CACNB2: variants seen among roughly 807,000 people sequenced by gnomAD.
CACNB2 encodes the protein voltage-dependent L-type calcium channel subunit beta-2.
In CACNB2, 42 loss-of-function variants were observed where a neutral mutation model predicts 73.3. The ratio of observed to expected loss-of-function variants is 0.57; its 90% CI spans 0.45 to 0.74. CACNB2 has a LOEUF of 0.74. CACNB2 is among the 30% of genes least tolerant of loss of function. The pLI, the probability that CACNB2 is intolerant of heterozygous loss-of-function variation, is 0.00. For missense variants in CACNB2, 940 were observed against 853.0 expected, an observed-to-expected ratio of 1.10 and a Z score of -1.27; for synonymous variants, 348 against 310.3, an observed-to-expected ratio of 1.12 and a Z score of -1.28.
chr10:18,286,051 G>A (rs1277736), intron 2 of CACNB2, among the ~76,000 whole-genome samples: 66,703 of 152,036 alleles, frequency 0.44, 15,641 homozygotes, highest in African/African-American at 0.6. Context: ...ATGTACATCT[G>A]TGAACACATT....
intron 3 of CACNB2, among the ~76,000 whole-genome samples, chr10:18,452,712 G>T (rs1002900281): frequency 1.3e-5 from 2 of 152,132 alleles, no homozygotes; most frequent in Non-Finnish European, 2.9e-5. Context: ...ACCGGGCAAG[G>T]TTAGCCTTAT....
intron 2 of CACNB2, chr10:18,261,293 T>C (rs2037528238): frequency 6.4e-7 from 1 of 1,551,412 alleles, no homozygotes; most frequent in Non-Finnish European, 8.7e-7. Context: ...GGCTGGTGCA[T>C]CGCCGGCGAG....
intron 3 of CACNB2, among the ~76,000 whole-genome samples, chr10:18,422,994 G>A (rs923609924): frequency 5.9e-5 from 9 of 152,178 alleles, no homozygotes; most frequent in South Asian, 2.1e-4. Flanking sequence ...CACTGCGCCT[G>A]GCCAACACTT....
At chr10:18,213,116 G>A (rs763880571) in intron 2 of CACNB2, among the ~76,000 whole-genome samples, 1 of 152,316 alleles carries the variant, frequency 6.6e-6, no homozygotes, top group African/African-American at 2.4e-5. Context: ...TCTGGTTCGT[G>A]CACCTGTGGC....
intron 2 of CACNB2, among the ~76,000 whole-genome samples, chr10:18,215,554 A>C (rs533631998): frequency 2.0e-5 from 3 of 152,338 alleles, no homozygotes; most frequent in Admixed American, 6.5e-5. Context: ...ATTTTGAATT[A>C]GATATGATTA....
In CACNB2 at chr10:18,286,793, G is replaced by C. The variant is rs1348581282; in HGVS notation, c.214-115131G>C. Among the ~76,000 whole-genome samples, 5 of 152,098 alleles carry C rather than the reference G, an allele frequency of 3.3e-5. No homozygotes were observed. In the East Asian group the frequency reaches 9.6e-4, roughly 29 times the overall value. The stretch of plus-strand genomic sequence containing the variant: ...ATTGCTGACATTACTAGGTATTGCT[G>C]TTATCACTGTGGCTTGTTACCAGTA... On this transcript the variant is annotated intron_variant, in intron 2 of 13. Transcript: ENST00000324631.
At position 18,401,932 on chromosome 10, in the gene CACNB2, A is replaced by G. The variant is rs1286624114; in HGVS notation, c.222A>G (p.Ala74=). Residue 74 remains alanine, a synonymous_variant, in exon 3 of 14, where the codon GCA becomes GCG. Coordinates refer to ENST00000324631, the MANE Select transcript of CACNB2 (RefSeq NM_201596.3). ...TSNSFVRQGS[A]DSYTSRPSDS... ...TACATTTTCCTCTCCAGGGTTCGGC[A>G]GACTCCTACACTAGCCGTCCATCCG... 1 of 1,614,106 alleles carries G rather than the reference A, an allele frequency of 6.2e-7. No individual in the cohort carries two copies. Among genetic ancestry groups the G allele is most frequent in the East Asian group, 2.2e-5 (1 of 44,884 alleles).
chr10:18,317,595 G>A (rs112691846), intron 2 of CACNB2, among the ~76,000 whole-genome samples: 3 of 152,272 alleles, frequency 2.0e-5, no homozygotes, highest in African/African-American at 4.8e-5. Flanking sequence ...ATAGTATCCT[G>A]TGGGTGTATA....
intron 3 of CACNB2, among the ~76,000 whole-genome samples, chr10:18,481,734 T>A (rs2048789460): frequency 6.6e-6 from 1 of 152,174 alleles, no homozygotes; most frequent in Non-Finnish European, 1.5e-5. Context: ...GAGATTGTAC[T>A]CTTATATAAG....
In CACNB2 at chr10:18,214,144, A is replaced by G. The variant is rs2035422603; in HGVS notation, c.213+63169A>G. On this transcript the variant is annotated intron_variant, in intron 2 of 13. Transcript: ENST00000324631. ...GGGAAAGGTGAATTTTTATAGAAGT[A>G]TAAGTTCTTCTGAAAGGGACCCAAG... 6.3e-5 allele frequency among the ~76,000 whole-genome samples: 5 copies of G among 79,148 alleles called. 1 individual carries two copies. The highest frequency in any genetic ancestry group is 8.6e-4 in the South Asian group (2 of 2,324). 51.9% of individuals were successfully genotyped at this position (79,148 alleles called of 152,430 possible).
intron 3 of CACNB2, among the ~76,000 whole-genome samples, chr10:18,493,326 C>G (rs563449792): frequency 6.6e-6 from 1 of 152,108 alleles, no homozygotes; most frequent in African/African-American, 2.4e-5. Flanking sequence ...GGCCACCACG[C>G]CTGGCTAATT....
intron 10 of CACNB2, among the ~76,000 whole-genome samples, chr10:18,529,929 C>T (rs2052829552): frequency 6.6e-6 from 1 of 152,218 alleles, no homozygotes; most frequent in Non-Finnish European, 1.5e-5. Context: ...CACAGTTCCA[C>T]ATGGCTAGTG....
intron 9 of CACNB2, among the ~76,000 whole-genome samples, chr10:18,523,882 TGTTA>T (rs1207435288): frequency 2.0e-5 from 3 of 152,234 alleles, no homozygotes; most frequent in Non-Finnish European, 4.4e-5. Flanking sequence ...TGAAAGGAAA[TGTTA>T]GTTATGCGAA....
At chr10:18,346,154 G>C (rs556307650) in intron 2 of CACNB2, among the ~76,000 whole-genome samples, 1 of 152,178 alleles carries the variant, frequency 6.6e-6, no homozygotes, top group Non-Finnish European at 1.5e-5. Flanking sequence ...TCTTTTATTT[G>C]TTTGAGGTGG....
chr10:18,378,802 C>CAGAACCCCCTAA (rs1242937899), intron 2 of CACNB2, among the ~76,000 whole-genome samples: 2 of 152,134 alleles, frequency 1.3e-5, no homozygotes, highest in African/African-American at 4.8e-5. Context: ...ATCAGCCATT[C>CAGAACCCCCTAA]ACAGGTCAGG....
intron 3 of CACNB2, among the ~76,000 whole-genome samples, chr10:18,420,312 C>CAT (rs2045250017): frequency 8.2e-6 from 1 of 121,890 alleles, no homozygotes; most frequent in African/African-American, 3.2e-5. Flanking sequence ...GATAAACACA[C>CAT]ATACACACAC....
At chr10:18,205,344 A>G (rs1280572775) in intron 2 of CACNB2, among the ~76,000 whole-genome samples, 1 of 152,242 alleles carries the variant, frequency 6.6e-6, no homozygotes, top group Non-Finnish European at 1.5e-5. Flanking sequence ...AATGGGATTT[A>G]TAAAGTACTA....
At chr10:18,526,415 G>A (rs2052474457) in intron 9 of CACNB2, among the ~76,000 whole-genome samples, 1 of 152,168 alleles carries the variant, frequency 6.6e-6, no homozygotes, top group Non-Finnish European at 1.5e-5. Flanking sequence ...GTAGGGTCTT[G>A]TACCACACAG....
chr10:18,274,442 G>T (rs2038190716), intron 2 of CACNB2, among the ~76,000 whole-genome samples: 1 of 152,144 alleles, frequency 6.6e-6, no homozygotes, highest in South Asian at 2.1e-4. Context: ...TATGGCAGCA[G>T]GACAGAAAGA....
Sources: gnomAD v4.1 joint callset for allele counts (sites outside exome capture counted in the v4.1 genomes callset) on GRCh38, gnomAD v4.1.1 for gene constraint, MANE v1.5 for transcripts, NCBI Gene and HGNC (gene_info 2026-07-23, HGNC 2026-07-21) for gene names.